DUSP29: variants seen among roughly 807,000 people sequenced by gnomAD.
DUSP29 encodes the protein atypical dual-specific protein phosphatase.
DUSP29 carries 12 observed loss-of-function variants against 13.5 expected under a neutral mutation model. That is an observed-to-expected ratio of 0.89 (90% CI 0.57 to 1.44). The LOEUF is 1.44. DUSP29 is among the 40% of genes most tolerant of loss of function. The pLI, the probability that DUSP29 is intolerant of heterozygous loss-of-function variation, is 0.00. For missense variants in DUSP29, 308 were observed against 301.1 expected, an observed-to-expected ratio of 1.02 and a Z score of -0.17; for synonymous variants, 134 against 128.7, an observed-to-expected ratio of 1.04 and a Z score of -0.28.
Position 75,037,717 on chromosome 10 carries a change from G to C in DUSP29, c.*119C>G. The stretch of plus-strand genomic sequence containing the variant: ...CAGCACACATGGGGAAGTTGAACAA[G>C]ATGGTTTGGAAGAGTCGAGCTTCGG... On this transcript the variant is annotated 3_prime_UTR_variant, in exon 4 of 4. Coordinates refer to ENST00000338487, the MANE Select transcript of DUSP29 (RefSeq NM_001003892.3). The C allele has an allele frequency of 6.8e-7, 1 of 1,477,828 alleles. No homozygotes were observed. Among genetic ancestry groups the C allele is most frequent in the Non-Finnish European group, 9.0e-7 (1 of 1,111,098 alleles). The allele number at this position is 1,477,828 out of a possible 1,614,324, so 91.5% of individuals were successfully genotyped here. A position where few individuals can be genotyped will look rare whatever the true frequency, so the allele number is the denominator to read the frequency against.
At chr10:75,055,511 T>G (rs976255783) in intron 2 of DUSP29, among the ~76,000 whole-genome samples, 10 of 152,170 alleles carry the variant, frequency 6.6e-5, no homozygotes, top group Non-Finnish European at 4.4e-5. Flanking sequence ...AACATTCCAT[T>G]TATACAGAAT....
At chr10:75,050,768 C>T (rs937247421) in intron 2 of DUSP29, among the ~76,000 whole-genome samples, 3 of 152,246 alleles carry the variant, frequency 2.0e-5, no homozygotes, top group Admixed American at 6.5e-5. Flanking sequence ...GGTGGCTACA[C>T]CTTGTGTGAA....
chr10:75,043,196 A>G (rs1042084702), intron 3 of DUSP29, among the ~76,000 whole-genome samples: 1 of 152,240 alleles, frequency 6.6e-6, no homozygotes, highest in African/African-American at 2.4e-5. Context: ...TGGAGGCCTC[A>G]CGAGGCTGAG....
chr10:75,043,070 C>A (rs747063747), intron 3 of DUSP29, among the ~76,000 whole-genome samples: 7 of 152,264 alleles, frequency 4.6e-5, no homozygotes, highest in Non-Finnish European at 1.0e-4. Context: ...AAGACTAGCA[C>A]TGTGATTTAA....
intron 2 of DUSP29, among the ~76,000 whole-genome samples, chr10:75,046,026 G>A (rs1256888783): frequency 3.3e-5 from 5 of 151,994 alleles, no homozygotes; most frequent in African/African-American, 1.2e-4. Flanking sequence ...TGAAGTGGGA[G>A]GATCACCTGA....
intron 2 of DUSP29, among the ~76,000 whole-genome samples, chr10:75,050,276 A>C (rs968080064): frequency 2.6e-5 from 4 of 152,256 alleles, no homozygotes; most frequent in Admixed American, 2.6e-4. Context: ...TTTAAATTAC[A>C]GAAACTTAGT....
At chr10:75,055,931 A>T (rs951610256) in intron 2 of DUSP29, among the ~76,000 whole-genome samples, 2 of 152,100 alleles carry the variant, frequency 1.3e-5, no homozygotes, top group African/African-American at 4.8e-5. Context: ...TGTTTTGGAG[A>T]CAAACTGTTG....
chr10:75,048,838 G>A (rs1269093585), intron 2 of DUSP29, among the ~76,000 whole-genome samples: 9 of 152,208 alleles, frequency 5.9e-5, no homozygotes, highest in African/African-American at 1.4e-4. Context: ...AAGCTCCTCC[G>A]TGTTGAGGCA....
chr10:75,039,270 T>G (rs72803466), intron 3 of DUSP29, among the ~76,000 whole-genome samples: 14,498 of 152,198 alleles, frequency 0.095, 1,573 homozygotes, highest in African/African-American at 0.27. Flanking sequence ...TGCATACCTA[T>G]GCTTGCAGGT....
At chr10:75,040,858 G>A in intron 3 of DUSP29, among the ~76,000 whole-genome samples, 1 of 152,200 alleles carries the variant, frequency 6.6e-6, no homozygotes, top group East Asian at 1.9e-4. Flanking sequence ...TCTTTATAAA[G>A]GGTCAAGTCA....
chr10:75,051,347 T>C (rs1015044662), intron 2 of DUSP29, among the ~76,000 whole-genome samples: 1 of 152,202 alleles, frequency 6.6e-6, no homozygotes, highest in Non-Finnish European at 1.5e-5. Context: ...TGAGACATGT[T>C]TTGCTTGCAT....
chr10:75,066,158 TAGA>T (rs746011716), intron 1 of DUSP29, among the ~76,000 whole-genome samples: 7 of 152,160 alleles, frequency 4.6e-5, no homozygotes, highest in Non-Finnish European at 7.4e-5. Flanking sequence ...TAGAACATTC[TAGA>T]AGGAGTATGA....
intron 2 of DUSP29, among the ~76,000 whole-genome samples, chr10:75,045,847 C>T (rs11001257): frequency 0.064 from 9,792 of 152,208 alleles, 676 homozygotes; most frequent in East Asian, 0.15. Flanking sequence ...AGGTGGCTCA[C>T]ACCTGTAATC....
intron 2 of DUSP29, among the ~76,000 whole-genome samples, chr10:75,056,975 T>C (rs1846974309): frequency 1.3e-5 from 2 of 152,180 alleles, no homozygotes; most frequent in South Asian, 4.1e-4. Flanking sequence ...CAGCAAGATA[T>C]GTATTAAAAT....
At chr10:75,055,323 T>C (rs1315105381) in intron 2 of DUSP29, among the ~76,000 whole-genome samples, 1 of 152,236 alleles carries the variant, frequency 6.6e-6, no homozygotes, top group East Asian at 1.9e-4. Flanking sequence ...CTTAAAGTGA[T>C]ATTTTGGGTC....
chr10:75,066,971 T>C (rs1378212545), intron 1 of DUSP29, among the ~76,000 whole-genome samples: 1 of 150,958 alleles, frequency 6.6e-6, no homozygotes, highest in East Asian at 1.9e-4. Context: ...TTTTTTTTTT[T>C]CTTTGAGACA....
chr10:75,043,961 T>C lies in DUSP29; in HGVS notation c.257A>G (p.Asn86Ser). 6.2e-7 allele frequency: 1 copy of C among 1,613,356 alleles called. No individual in the cohort carries two copies. The highest frequency in any genetic ancestry group is 8.5e-7 in the Non-Finnish European group (1 of 1,179,914). ...LQKAGFTHVL[N>S]AAHGRWNVDT... ...CACGTTCCAGCGGCCGTGGGCCGCG[T>C]TCAGCACGTGCGTGAACCCCGCCTT... The change falls in exon 3 of 4, where the codon AAC (asparagine) becomes AGC (serine). Residue 86 changes from asparagine to serine, a missense_variant. By Grantham distance (46) the Asn-to-Ser change is conservative (BLOSUM62 1). Coordinates refer to ENST00000338487, the MANE Select transcript of DUSP29 (RefSeq NM_001003892.3).
At chr10:75,065,656 A>T (rs976448344) in intron 1 of DUSP29, among the ~76,000 whole-genome samples, 1 of 151,486 alleles carries the variant, frequency 6.6e-6, no homozygotes, top group African/African-American at 2.4e-5. Flanking sequence ...AGCCACATAC[A>T]GGCTTCTTGC....
chr10:75,043,683 G>A lies in DUSP29; in HGVS notation c.421+114C>T. On this transcript the variant is annotated intron_variant, in intron 3 of 3. Coordinates refer to ENST00000338487, the MANE Select transcript of DUSP29 (RefSeq NM_001003892.3). Reference sequence around the variant, plus strand: ...AACCTTGGGCTAAGGGCGGAGCCTAGGCTAGGGGCGGAGCCTTAGTGGGGC... The same window carrying A: ...AACCTTGGGCTAAGGGCGGAGCCTAAGCTAGGGGCGGAGCCTTAGTGGGGC... The A allele has an allele frequency of 7.8e-6, 8 of 1,029,298 alleles. No individual in the cohort carries two copies. In the South Asian group the frequency reaches 1.1e-4, roughly 14 times the overall value. The allele number at this position is 1,029,298 out of a possible 1,614,324, so 63.8% of individuals were successfully genotyped here.
Sources: allele counts gnomAD v4.1 joint callset (sites outside exome capture counted in the v4.1 genomes callset), GRCh38; gene constraint gnomAD v4.1.1; transcripts MANE v1.5; gene names NCBI Gene and HGNC (gene_info 2026-07-23, HGNC 2026-07-21).